CSE1L: variants seen among roughly 807,000 people sequenced by gnomAD.
CSE1L encodes the protein exportin-2.
In CSE1L, 24 loss-of-function variants were observed where a neutral mutation model predicts 120.4. The observed-to-expected ratio is 0.20, with a 90% confidence interval of 0.14 to 0.28. CSE1L has a LOEUF of 0.28. CSE1L is among the 10% of genes least tolerant of loss of function. The pLI is 1.00. For synonymous variants in CSE1L, 402 were observed against 398.3 expected (o/e 1.01, Z -0.11); for missense variants, 830 against 1,145.2 (o/e 0.72, Z 3.97).
intron 1 of CSE1L, among the ~76,000 whole-genome samples, chr20:49,054,476 T>TGGTGCCTCTTA (rs2091791304): frequency 6.6e-6 from 1 of 152,196 alleles, no homozygotes; most frequent in Non-Finnish European, 1.5e-5. Flanking sequence ...GAGGCAGCCT[T>TGGTGCCTCTTA]GGGTAATAGA....
In CSE1L at chr20:49,096,063, G is replaced by A. The variant is rs569234397; in HGVS notation, c.2827-286G>A. 1.1e-4 allele frequency: 59 copies of A among 537,278 alleles called. No individual in the cohort carries two copies. In the East Asian group the frequency reaches 1.6e-3, roughly 15 times the overall value. 33.3% of individuals were successfully genotyped at this position (537,278 alleles called of 1,614,324 possible). On this transcript the variant is annotated intron_variant, in intron 24 of 24. Transcript: ENST00000262982. ...ATTGAGCAAGTCTTAGACATCATAC[G>A]TTTCACGCGTAAGTACCTTATTCTA...
At chr20:49,096,034 C>G (rs1432977295) in intron 24 of CSE1L, 2 of 444,722 alleles carry the variant, frequency 4.5e-6, no homozygotes, top group Non-Finnish European at 8.3e-6. Flanking sequence ...CTTTTATTCT[C>G]TGTATTGAGC....
chr20:49,088,226 G>T, intron 17 of CSE1L, 120 bp downstream of exon 17: 2 of 692,578 alleles, frequency 2.9e-6, no homozygotes, highest in Non-Finnish European at 4.9e-6. Context: ...TTCCTGACCA[G>T]CCACTAATGG....
chr20:49,066,543 CT>C, intron 5 of CSE1L, 33 bp downstream of exon 5: 3 of 1,562,310 alleles, frequency 1.9e-6, no homozygotes, highest in Non-Finnish European at 2.6e-6. Context: ...TTTTAAAATA[CT>C]TTCTAAAGTT....
chr20:49,052,562 A>T (rs2091775451), intron 1 of CSE1L, among the ~76,000 whole-genome samples: 1 of 152,088 alleles, frequency 6.6e-6, no homozygotes, highest in African/African-American at 2.4e-5. Context: ...AGGAGGTAGG[A>T]GATGAGGTCA....
intron 1 of CSE1L, among the ~76,000 whole-genome samples, chr20:49,056,917 T>C (rs1030529486): frequency 1.3e-5 from 2 of 151,902 alleles, no homozygotes; most frequent in African/African-American, 4.8e-5. Flanking sequence ...ACCCAGTAAT[T>C]TTCAAGTGTA....
chr20:49,075,539 G>T lies in CSE1L; in HGVS notation c.1335+19G>T. On this transcript the variant is annotated intron_variant, in intron 12 of 24. Transcript: ENST00000262982. Reference sequence around the variant, plus strand: ...ACAGAAGGTAAATATTTTTAATGTGGTTTTGTTTCTAAAACAGACATCAGT... The same window carrying T: ...ACAGAAGGTAAATATTTTTAATGTGTTTTTGTTTCTAAAACAGACATCAGT... 26 of 1,592,642 alleles carry T rather than the reference G, an allele frequency of 1.6e-5. No individual in the cohort carries two copies. Among genetic ancestry groups the T allele is most frequent in the Non-Finnish European group, 2.0e-5 (23 of 1,165,726 alleles).
intron 10 of CSE1L, 147 bp downstream of exon 10, chr20:49,072,844 C>T (rs991257579): frequency 1.4e-4 from 119 of 870,138 alleles, no homozygotes; most frequent in Non-Finnish European, 1.7e-4. Flanking sequence ...AATGTAGTAT[C>T]TGTAATGAGT....
At chr20:49,076,248 C>G (rs2091967470) in intron 12 of CSE1L, among the ~76,000 whole-genome samples, 1 of 152,188 alleles carries the variant, frequency 6.6e-6, no homozygotes, top group Non-Finnish European at 1.5e-5. Flanking sequence ...AGTGCAATGG[C>G]ACGATCTTGG....
intron 11 of CSE1L, 84 bp downstream of exon 11, chr20:49,074,934 G>T: frequency 2.0e-6 from 2 of 991,804 alleles, no homozygotes; most frequent in East Asian, 2.5e-5. Flanking sequence ...GGAGAAGTGG[G>T]ATTGAGAATA....
chr20:49,048,355 C>T (rs1280565600), intron 1 of CSE1L, among the ~76,000 whole-genome samples: 1 of 152,032 alleles, frequency 6.6e-6, no homozygotes, highest in Non-Finnish European at 1.5e-5. Context: ...TTTCTTTATT[C>T]ATTTAATAAC....
intron 6 of CSE1L, among the ~76,000 whole-genome samples, chr20:49,067,764 A>G (rs993662495): frequency 2.6e-5 from 4 of 151,504 alleles, no homozygotes; most frequent in African/African-American, 9.7e-5. Context: ...ACAGGGTCTC[A>G]CTCTCATTGC....
intron 1 of CSE1L, among the ~76,000 whole-genome samples, chr20:49,050,278 G>A (rs547205593): frequency 6.6e-6 from 1 of 151,086 alleles, no homozygotes; most frequent in Non-Finnish European, 1.5e-5. Context: ...GACTGCAGTG[G>A]CAAGACCTCA....
At chr20:49,080,200 G>A (rs1411741824) in intron 14 of CSE1L, among the ~76,000 whole-genome samples, 2 of 151,440 alleles carry the variant, frequency 1.3e-5, no homozygotes, top group Non-Finnish European at 2.9e-5. Flanking sequence ...AGCATCATAG[G>A]TATACTTTCT....
intron 23 of CSE1L, 93 bp from the exon 24 acceptor site, chr20:49,094,639 G>T: frequency 1.2e-6 from 1 of 813,930 alleles, no homozygotes. Context: ...TTGAGACTAT[G>T]AGTCTGTAAT....
At chr20:49,051,864 A>AT (rs1174155573) in intron 1 of CSE1L, among the ~76,000 whole-genome samples, 3 of 152,128 alleles carry the variant, frequency 2.0e-5, no homozygotes, top group Non-Finnish European at 4.4e-5. Flanking sequence ...TGCCTGGCTA[A>AT]TTTTTATTTA....
chr20:49,072,003 C>CCAT lies in CSE1L; in HGVS notation c.769-281_769-279dup, dbSNP rs974184059. On this transcript the variant is annotated intron_variant, in intron 8 of 24. Transcript: ENST00000262982. ...AAAAAAAACCACTCCTGGCCTCAGG[C>CCAT]CATCCTCCAGCCTCAGCCTCCCAGA... Among the ~76,000 whole-genome samples, 7 of 150,474 alleles carry CCAT rather than the reference C, an allele frequency of 4.7e-5. No individual in the cohort carries two copies. In the East Asian group the frequency reaches 1.4e-3, roughly 30 times the overall value.
chr20:49,058,066 G>A (rs903141518), intron 1 of CSE1L, among the ~76,000 whole-genome samples: 9 of 152,066 alleles, frequency 5.9e-5, no homozygotes, highest in East Asian at 1.9e-4. Flanking sequence ...GCCACTGCCC[G>A]GGCTCCTTAT....
intron 1 of CSE1L, among the ~76,000 whole-genome samples, chr20:49,052,185 CT>C (rs1189540257): frequency 6.6e-6 from 1 of 152,142 alleles, no homozygotes; most frequent in Non-Finnish European, 1.5e-5. Context: ...TGCTGGGTGA[CT>C]GACATGTTGT....
Sources: gnomAD v4.1 joint callset for allele counts (sites outside exome capture counted in the v4.1 genomes callset) on GRCh38, gnomAD v4.1.1 for gene constraint, MANE v1.5 for transcripts, NCBI Gene and HGNC (gene_info 2026-07-23, HGNC 2026-07-21) for gene names.